NAV2: variants seen among roughly 807,000 people sequenced by gnomAD.
NAV2 encodes helicase, APC down-regulated 1.
In NAV2, 54 loss-of-function variants were observed where a neutral mutation model predicts 223.2. The observed-to-expected ratio is 0.24, with a 90% CI of 0.19 to 0.30. The LOEUF is 0.30. NAV2 is among the 10% of genes least tolerant of loss of function. The probability of loss-of-function intolerance (pLI) is 1.00; values close to 1 mark genes in which losing one functional copy is unlikely to be tolerated. For missense variants in NAV2, 2,806 were observed against 3,147.5 expected, an observed-to-expected ratio of 0.89 and a Z score of 2.60; for synonymous variants, 1,279 against 1,239.3, an observed-to-expected ratio of 1.03 and a Z score of -0.67.
chr11:19,985,313 A>G (rs2050683254), intron 11 of NAV2, among the ~76,000 whole-genome samples: 1 of 152,156 alleles, frequency 6.6e-6, no homozygotes, highest in African/African-American at 2.4e-5. Flanking sequence ...TCTCTCAGGG[A>G]AGGCTGGGAA....
chr11:19,734,606 G>A (rs141087908), intron 1 of NAV2, among the ~76,000 whole-genome samples: 22 of 152,304 alleles, frequency 1.4e-4, no homozygotes, highest in African/African-American at 5.3e-4. Context: ...GTCATACATT[G>A]GCATTTTAAC....
intron 4 of NAV2, among the ~76,000 whole-genome samples, chr11:19,877,673 C>T (rs934899837): frequency 2.6e-5 from 4 of 151,812 alleles, no homozygotes; most frequent in South Asian, 2.1e-4. Context: ...GGGGTTTCAC[C>T]GTGTTAGCCA....
chr11:19,731,159 A>G (rs78412899), intron 1 of NAV2, among the ~76,000 whole-genome samples: 294 of 152,318 alleles, frequency 1.9e-3, no homozygotes, highest in African/African-American at 6.5e-3. Flanking sequence ...CCTTTATGCC[A>G]CCAAGGTGGG....
intron 3 of NAV2, among the ~76,000 whole-genome samples, chr11:19,847,000 C>A (rs530260670): frequency 4.6e-5 from 7 of 152,170 alleles, no homozygotes; most frequent in Non-Finnish European, 7.3e-5. Flanking sequence ...TCCCCTTGGC[C>A]CTTAAATAAG....
At chr11:20,049,762 T>C in intron 15 of NAV2, 74 bp from the exon 16 acceptor site, 2 of 1,428,138 alleles carry the variant, frequency 1.4e-6, no homozygotes, top group Non-Finnish European at 2.0e-6. Context: ...ATGAAAAAAA[T>C]GTATATAACA....
chr11:19,609,616 G>A (rs1184237473), intron 1 of NAV2, among the ~76,000 whole-genome samples: 1 of 152,214 alleles, frequency 6.6e-6, no homozygotes, highest in Non-Finnish European at 1.5e-5. Context: ...GACACTAAGT[G>A]CCTTGAAGAC....
chr11:20,058,635 A>C (rs566784635), intron 19 of NAV2, among the ~76,000 whole-genome samples: 1 of 152,318 alleles, frequency 6.6e-6, no homozygotes, highest in African/African-American at 2.4e-5. Context: ...TAATCAAGAA[A>C]GCTTGTATTG....
chr11:20,049,369 C>T, intron 15 of NAV2, 174 bp downstream of exon 15: 1 of 604,884 alleles, frequency 1.7e-6, no homozygotes, highest in African/African-American at 1.9e-5. Context: ...CTTGGCTCTG[C>T]TCCCTGTTAT....
chr11:20,091,409 C>T (rs1319280790), intron 27 of NAV2, among the ~76,000 whole-genome samples: 2 of 151,984 alleles, frequency 1.3e-5, no homozygotes, highest in African/African-American at 4.8e-5. Context: ...CTTGGAAATT[C>T]CTCTTTCATA....
intron 1 of NAV2, among the ~76,000 whole-genome samples, chr11:19,605,814 T>TG (rs1375119025): frequency 1.1e-4 from 16 of 152,348 alleles, no homozygotes; most frequent in African/African-American, 2.9e-4. Context: ...TGGAAGGTCC[T>TG]GGTATTCCAG....
intron 22 of NAV2, among the ~76,000 whole-genome samples, chr11:20,069,767 G>A (rs1209374506): frequency 6.6e-6 from 1 of 152,148 alleles, no homozygotes; most frequent in Non-Finnish European, 1.5e-5. Context: ...AACTTCAAGA[G>A]GCTGTCTTCC....
At chr11:20,068,432 A>C (rs1442709) in intron 22 of NAV2, 34 bp downstream of exon 22, 1 of 1,524,218 alleles carries the variant, frequency 6.6e-7, no homozygotes, top group East Asian at 2.3e-5. Context: ...GCATCGGGAC[A>C]GGAAGCACCA....
At chr11:19,447,469 C>T (rs1254850167) in intron 1 of NAV2, among the ~76,000 whole-genome samples, 9 of 152,286 alleles carry the variant, frequency 5.9e-5, no homozygotes, top group South Asian at 2.1e-4. Context: ...CCAGGACAAA[C>T]GTGCTTAACC....
At chr11:19,600,975 A>T (rs1209235002) in intron 1 of NAV2, among the ~76,000 whole-genome samples, 2 of 152,308 alleles carry the variant, frequency 1.3e-5, no homozygotes, top group African/African-American at 4.8e-5. Context: ...TAAACTGTAA[A>T]GTGCTCCACA....
chr11:19,663,077 C>T (rs1204110084), intron 1 of NAV2, among the ~76,000 whole-genome samples: 1 of 152,140 alleles, frequency 6.6e-6, no homozygotes, highest in African/African-American at 2.4e-5. Flanking sequence ...CCTTTCCCCC[C>T]AACCAGCCCA....
At chr11:20,053,690 T>TGGCAGATGCCATG (rs1450397306) in intron 17 of NAV2, among the ~76,000 whole-genome samples, 1 of 152,254 alleles carries the variant, frequency 6.6e-6, no homozygotes, top group Non-Finnish European at 1.5e-5. Context: ...GCAGATGCCA[T>TGGCAGATGCCATG]GAGTTGTCTA....
chr11:19,795,684 C>G (rs1314472943), intron 1 of NAV2, among the ~76,000 whole-genome samples: 1 of 152,174 alleles, frequency 6.6e-6, no homozygotes, highest in African/African-American at 2.4e-5. Context: ...TACTAAAGCT[C>G]ACATAATGGT....
chr11:19,727,044 A>G lies in NAV2; in HGVS notation c.267+13082A>G, dbSNP rs117892021. ...AGACAGACTTCCGAAATCCATAGCT[A>G]CTCTGTTTCTTACATCTCTCATGTT... is the stretch of plus-strand genomic sequence containing the variant. On this transcript the variant is annotated intron_variant, in intron 1 of 37. Transcript: ENST00000349880. Among the ~76,000 whole-genome samples the G allele has an allele frequency of 1.1e-3, 164 of 152,080 alleles. 4 individuals carry two copies. In the East Asian group the frequency reaches 0.027, roughly 25 times the overall value.
chr11:20,109,608 TTGA>T (rs1355836406), intron 36 of NAV2, among the ~76,000 whole-genome samples: 8 of 152,314 alleles, frequency 5.3e-5, no homozygotes, highest in African/African-American at 1.9e-4. Flanking sequence ...TCTGTTCTCA[TTGA>T]TGGCTTCCAG....
Sources: allele counts gnomAD v4.1 joint callset (sites outside exome capture counted in the v4.1 genomes callset), GRCh38; gene constraint gnomAD v4.1.1; transcripts MANE v1.5; gene names NCBI Gene and HGNC (gene_info 2026-07-23, HGNC 2026-07-21).